NUMB: variants seen among roughly 807,000 people sequenced by gnomAD.
NUMB encodes NUMB endocytic adaptor protein.
Under a neutral mutation model 59.7 loss-of-function variants are expected in NUMB, and 29 were observed. That is an observed-to-expected ratio of 0.49 (90% CI 0.36 to 0.66). The LOEUF (loss-of-function observed/expected upper bound fraction) is 0.66, where lower values mean the gene tolerates loss of function less well. Among genes scored for constraint, NUMB ranks in the 30% least tolerant of loss-of-function variants. The pLI is 0.00. For synonymous variants in NUMB, 288 were observed against 288.2 expected (o/e 1.00, Z 0.01); for missense variants, 723 against 822.0 (o/e 0.88, Z 1.47).
At chr14:73,340,135 T>C (rs1020196879) in intron 4 of NUMB, among the ~76,000 whole-genome samples, 1 of 152,250 alleles carries the variant, frequency 6.6e-6, no homozygotes, top group Non-Finnish European at 1.5e-5. Flanking sequence ...GACTACACAC[T>C]TGGCCTCTCA....
At chr14:73,384,094 G>T (rs955209369) in intron 2 of NUMB, among the ~76,000 whole-genome samples, 1 of 150,742 alleles carries the variant, frequency 6.6e-6, no homozygotes, top group East Asian at 1.9e-4. Context: ...TGAAAGAAAA[G>T]AACTGCCAAC....
Position 73,342,210 on chromosome 14 carries a change from T to C in NUMB, c.126+13416A>G, listed in dbSNP as rs570324470. 2.6e-5 allele frequency among the ~76,000 whole-genome samples: 4 copies of C among 152,358 alleles called. No individual in the cohort carries two copies. In the South Asian group the frequency reaches 8.3e-4, roughly 32 times the overall value. On this transcript the variant is annotated intron_variant, in intron 4 of 12. Coordinates refer to ENST00000555238, the MANE Select transcript of NUMB (RefSeq NM_001005743.2). The stretch of plus-strand genomic sequence containing the variant: ...CTGTCCCTGGCCCCATTTCTTTAAA[T>C]TTGTATTGTTTCAGGTAGAAGAGCA...
chr14:73,321,417 T>TTA (rs143553725), intron 5 of NUMB, among the ~76,000 whole-genome samples: 9,817 of 152,236 alleles, frequency 0.064, 782 homozygotes, highest in African/African-American at 0.18. Context: ...GTGTATTTAT[T>TTA]TAGTTGAGAC....
chr14:73,397,900 G>A (rs1345926878), intron 2 of NUMB, among the ~76,000 whole-genome samples: 5 of 151,986 alleles, frequency 3.3e-5, no homozygotes, highest in African/African-American at 1.2e-4. Context: ...CTCCTTCTGT[G>A]TTAACCTGGC....
At chr14:73,305,316 T>C (rs1343832794) in intron 6 of NUMB, among the ~76,000 whole-genome samples, 1 of 152,218 alleles carries the variant, frequency 6.6e-6, no homozygotes, top group African/African-American at 2.4e-5. Flanking sequence ...TCACAATCTC[T>C]ATAATTAATT....
rs953111104 is a variant in NUMB, at chr14:73,373,295, C to T, written c.-100-6314G>A. The stretch of plus-strand genomic sequence containing the variant: ...TTGTAAGGTAGCTTCAAACTGTGCT[C>T]CCTGTAGTGATGCCACAAGGTGCAA... On this transcript the variant is annotated intron_variant, in intron 2 of 12. Coordinates refer to ENST00000555238, the MANE Select transcript of NUMB (RefSeq NM_001005743.2). 9.2e-5 allele frequency among the ~76,000 whole-genome samples: 14 copies of T among 152,216 alleles called. No homozygotes were observed. In the East Asian group the frequency reaches 2.7e-3, roughly 29 times the overall value.
chr14:73,330,728 C>T (rs957183029), intron 4 of NUMB, among the ~76,000 whole-genome samples: 1 of 56,414 alleles, frequency 1.8e-5, no homozygotes, highest in South Asian at 5.2e-4. Flanking sequence ...CGTGTTCAGT[C>T]TTGTCTACTG....
At position 73,296,826 on chromosome 14, in the gene NUMB, C is replaced by T. The variant is rs566010301; in HGVS notation, c.309+385G>A. ...TCACCTGAGGTCAGGAGTTCGAGATCAGCCTGGCCAACATGGTGAAACCCC... is the reference window on the plus strand; with the variant it reads ...TCACCTGAGGTCAGGAGTTCGAGATTAGCCTGGCCAACATGGTGAAACCCC... On this transcript the variant is annotated intron_variant, in intron 7 of 12. Coordinates refer to ENST00000555238, the MANE Select transcript of NUMB (RefSeq NM_001005743.2). 1.1e-4 allele frequency among the ~76,000 whole-genome samples: 16 copies of T among 152,248 alleles called. No homozygotes were observed. In the East Asian group the frequency reaches 3.1e-3, roughly 29 times the overall value.
At chr14:73,285,723 C>T (rs951194221) in intron 9 of NUMB, among the ~76,000 whole-genome samples, 13 of 151,884 alleles carry the variant, frequency 8.6e-5, no homozygotes, top group African/African-American at 3.1e-4. Flanking sequence ...GTCAGGAGTT[C>T]AAGACCAGCC....
chr14:73,424,256 T>G (rs1441481715), intron 1 of NUMB, among the ~76,000 whole-genome samples: 1 of 152,176 alleles, frequency 6.6e-6, no homozygotes, highest in Non-Finnish European at 1.5e-5. Context: ...GGAGCAACTA[T>G]GACAAGCAGT....
chr14:73,387,600 A>C (rs1365632683), intron 2 of NUMB, among the ~76,000 whole-genome samples: 1 of 151,898 alleles, frequency 6.6e-6, no homozygotes, highest in Non-Finnish European at 1.5e-5. Flanking sequence ...AGCCATGCTA[A>C]ACTGTGAGTC....
At chr14:73,447,436 C>T (rs957485206) in intron 1 of NUMB, among the ~76,000 whole-genome samples, 8 of 152,036 alleles carry the variant, frequency 5.3e-5, no homozygotes, top group Admixed American at 1.3e-4. Flanking sequence ...TGCCATGAGC[C>T]GAGATCACGC....
At chr14:73,418,117 T>G (rs568170231) in intron 1 of NUMB, among the ~76,000 whole-genome samples, 1 of 150,138 alleles carries the variant, frequency 6.7e-6, no homozygotes, top group South Asian at 2.1e-4. Context: ...AAAAAAAAAA[T>G]GTAGTCTATA....
intron 1 of NUMB, among the ~76,000 whole-genome samples, chr14:73,422,032 T>C (rs1439718825): frequency 3.3e-5 from 5 of 151,948 alleles, no homozygotes. Context: ...CAATCCCAGC[T>C]ACTCAGGAGG....
chr14:73,290,675 C>T (rs2139826235), intron 8 of NUMB, among the ~76,000 whole-genome samples: 1 of 152,334 alleles, frequency 6.6e-6, no homozygotes, highest in South Asian at 2.1e-4. Context: ...TCGACACTTG[C>T]TGTACATACA....
chr14:73,352,930 T>A (rs754620542), intron 4 of NUMB, among the ~76,000 whole-genome samples: 5 of 151,522 alleles, frequency 3.3e-5, no homozygotes, highest in African/African-American at 4.8e-5. Context: ...AGAAACTATG[T>A]CTTTTTTGCT....
At chr14:73,341,254 C>T (rs1355963279) in intron 4 of NUMB, among the ~76,000 whole-genome samples, 2 of 152,012 alleles carry the variant, frequency 1.3e-5, no homozygotes, top group Non-Finnish European at 2.9e-5. Flanking sequence ...TTTTATTTTA[C>T]GTGGTGGGGA....
At chr14:73,370,139 C>T (rs1054886843) in intron 2 of NUMB, among the ~76,000 whole-genome samples, 24 of 151,902 alleles carry the variant, frequency 1.6e-4, no homozygotes, top group African/African-American at 5.1e-4. Flanking sequence ...GGGGGTGGGA[C>T]CATTAAGAGA....
chr14:73,394,058 C>T (rs554112631), intron 2 of NUMB, among the ~76,000 whole-genome samples: 126 of 152,038 alleles, frequency 8.3e-4, no homozygotes, highest in African/African-American at 2.7e-3. Context: ...CTCTGCCTCC[C>T]GGGTTCAAGC....
Sources: allele counts gnomAD v4.1 joint callset (sites outside exome capture counted in the v4.1 genomes callset), GRCh38; gene constraint gnomAD v4.1.1; transcripts MANE v1.5; gene names NCBI Gene and HGNC (gene_info 2026-07-23, HGNC 2026-07-21).